The following DHX15 variants were observed in gnomAD, a reference collection of about 807,000 sequenced individuals.
DHX15 encodes the protein ATP-dependent RNA helicase DHX15.
A neutral mutation model predicts 94.4 loss-of-function variants in DHX15; 11 were observed. The observed-to-expected ratio is 0.12, with a 90% CI of 0.07 to 0.19. DHX15 has a LOEUF of 0.19. Ranked by LOEUF, DHX15 falls within the 10% of genes least tolerant of loss-of-function variation. DHX15 has a pLI of 1.00. For synonymous variants in DHX15, 338 were observed against 329.9 expected (o/e 1.02, Z -0.27); for missense variants, 304 against 988.5 (o/e 0.31, Z 9.29).
Position 24,537,005 on chromosome 4 carries a change from C to G in DHX15, c.1909+46G>C, listed in dbSNP as rs1721212791. ...GGACAAAGAAACATCTTATACACTG[C>G]AAGTGACATTTAGACAAGAGTGTCT... On this transcript the variant is annotated intron_variant, in intron 11 of 13. Coordinates refer to ENST00000336812, the MANE Select transcript of DHX15 (RefSeq NM_001358.3). This position sits in a 1 kb window ranked among gnomAD's most constrained non-coding sequence, Gnocchi z 4.7. The G allele has an allele frequency of 6.3e-7, 1 of 1,590,616 alleles. No individual in the cohort carries two copies. The highest frequency in any genetic ancestry group is 1.3e-5 in the African/African-American group (1 of 74,498).
At chr4:24,565,178 T>C (rs555811060) in intron 3 of DHX15, among the ~76,000 whole-genome samples, 3 of 152,364 alleles carry the variant, frequency 2.0e-5, no homozygotes, top group South Asian at 2.1e-4. Context: ...TTTTAAGATA[T>C]TGGCACTGTA....
chr4:24,532,291 T>C (rs1016757941), intron 12 of DHX15, among the ~76,000 whole-genome samples: 2 of 152,226 alleles, frequency 1.3e-5, no homozygotes, highest in Non-Finnish European at 2.9e-5. Flanking sequence ...GTTTTTGGCT[T>C]TTGCAGTACG....
intron 6 of DHX15, 53 bp from the exon 7 acceptor site, chr4:24,543,079 G>A: frequency 7.5e-7 from 1 of 1,325,378 alleles, no homozygotes; most frequent in Non-Finnish European, 1.1e-6. Flanking sequence ...AAAATTAACA[G>A]GACTGTTAAA....
chr4:24,538,346 CAACAA>C (rs1285249783), intron 10 of DHX15: 4 of 152,020 alleles, frequency 2.6e-5, no homozygotes, highest in African/African-American at 9.7e-5. Flanking sequence ...CAAATAGTGA[CAACAA>C]AACATGATCA....
intron 6 of DHX15, among the ~76,000 whole-genome samples, chr4:24,544,434 A>T (rs186098581): frequency 6.6e-6 from 1 of 152,326 alleles, no homozygotes; most frequent in Admixed American, 6.5e-5. Flanking sequence ...TCCTTTTGTC[A>T]GTTGAAAAGA....
Position 24,565,626 on chromosome 4 carries a change from T to A in DHX15, c.701+5028A>T, listed in dbSNP as rs114486811. Among the ~76,000 whole-genome samples, 778 of 152,374 alleles carry A rather than the reference T, an allele frequency of 5.1e-3. 5 individuals carry two copies. Among genetic ancestry groups the A allele is most frequent in the African/African-American group, 0.018 (737 of 41,590 alleles). On this transcript the variant is annotated intron_variant, in intron 3 of 13. Transcript: ENST00000336812. ...GACAAGTCACGTCAAGGTTTAAGTT[T>A]ACATCCCCAATTGTAATTCAATTAT...
Position 24,561,683 on chromosome 4 carries a change from C to T in DHX15, c.702-5273G>A, listed in dbSNP as rs141880071. Among the ~76,000 whole-genome samples, 47 of 152,234 alleles carry T rather than the reference C, an allele frequency of 3.1e-4. No homozygotes were observed. In the East Asian group the frequency reaches 6.2e-3, roughly 20 times the overall value. ...GCTAAAGGCCATCATCCTAAGCAAACTAACACAAGAACAGAAAACCAAATA... is the reference window on the plus strand; with the variant it reads ...GCTAAAGGCCATCATCCTAAGCAAATTAACACAAGAACAGAAAACCAAATA... On this transcript the variant is annotated intron_variant, in intron 3 of 13. Transcript: ENST00000336812.
chr4:24,584,216 A>T lies in DHX15; in HGVS notation c.71+107T>A, dbSNP rs1722552308. 4.2e-6 allele frequency: 5 copies of T among 1,194,662 alleles called. No individual in the cohort carries two copies. In the South Asian group the frequency reaches 5.3e-5, roughly 13 times the overall value. The allele number at this position is 1,194,662 out of a possible 1,614,324, so 74.0% of individuals were successfully genotyped here. On this transcript the variant is annotated intron_variant, in intron 1 of 13. Coordinates refer to ENST00000336812, the MANE Select transcript of DHX15 (RefSeq NM_001358.3). ...TAGTGAACCCAGCCCAGAGAGAAAC[A>T]AAGGCTCGGGCTCCAGGACCCGCTC...
chr4:24,566,733 T>C lies in DHX15; in HGVS notation c.701+3921A>G, dbSNP rs549503418. On this transcript the variant is annotated intron_variant, in intron 3 of 13. Coordinates refer to ENST00000336812, the MANE Select transcript of DHX15 (RefSeq NM_001358.3). ...CTCAGCTACTCGGGAGGGTGAGGCATGAGAATCGCTTGAACCCGGCGGGTG... is the reference window on the plus strand; with the variant it reads ...CTCAGCTACTCGGGAGGGTGAGGCACGAGAATCGCTTGAACCCGGCGGGTG... Among the ~76,000 whole-genome samples the C allele has an allele frequency of 4.6e-5, 7 of 152,028 alleles. No homozygotes were observed. The East Asian group carries it at 1.4e-3, about 30-fold the overall frequency.
chr4:24,551,099 G>GA (rs1296707703), intron 5 of DHX15, among the ~76,000 whole-genome samples: 2 of 152,078 alleles, frequency 1.3e-5, no homozygotes, highest in African/African-American at 2.4e-5. Context: ...TATCAAGACG[G>GA]AAAAAAAGAG....
At chr4:24,556,950 C>T (rs1721750840) in intron 3 of DHX15, among the ~76,000 whole-genome samples, 1 of 152,028 alleles carries the variant, frequency 6.6e-6, no homozygotes. Flanking sequence ...AATCTTAAAG[C>T]ACAAAAGGAA....
chr4:24,534,452 G>A (rs1721152808), intron 11 of DHX15, among the ~76,000 whole-genome samples: 1 of 152,196 alleles, frequency 6.6e-6, no homozygotes, highest in South Asian at 2.1e-4. Context: ...CAAATGACTA[G>A]TAACTAACAT....
chr4:24,573,584 TATC>T (rs35763441), intron 2 of DHX15, among the ~76,000 whole-genome samples: 5,255 of 152,230 alleles, frequency 0.035, 276 homozygotes, highest in African/African-American at 0.11. Flanking sequence ...TTACATGGTG[TATC>T]ATCAATATGT....
chr4:24,560,179 C>T (rs1425973201), intron 3 of DHX15, among the ~76,000 whole-genome samples: 1 of 151,846 alleles, frequency 6.6e-6, no homozygotes, highest in African/African-American at 2.4e-5. Context: ...CATGGTAAAA[C>T]ATTACATCCT....
rs765479994 is a variant in DHX15, at chr4:24,576,411, C to T, written c.339G>A (p.Gln113=). Residue 113 remains glutamine (Q), a synonymous_variant, in exon 2 of 14, where the codon CAG becomes CAA. Coordinates refer to ENST00000336812, the MANE Select transcript of DHX15 (RefSeq NM_001358.3). The stretch of plus-strand genomic sequence containing the variant: ...GTAAGTTGGTGAACGGATTAATGCA[C>T]TGTGGAAGTGACGTGTGACCTGCAT... ...AGHAGHTSLP[Q]CINPFTNLPH... The T allele has an allele frequency of 4.4e-5, 71 of 1,614,106 alleles. No homozygotes were observed. The South Asian group carries it at 7.1e-4, about 16-fold the overall frequency.
At chr4:24,556,205 C>G (rs1229155373) in intron 4 of DHX15, 46 bp downstream of exon 4, 1 of 1,552,594 alleles carries the variant, frequency 6.4e-7, no homozygotes, top group Admixed American at 1.7e-5. Flanking sequence ...TTTTTATGCC[C>G]ACATACACAC....
rs1228006972 is a variant in DHX15, at chr4:24,537,022, A to G, written c.1909+29T>C. 1.2e-6 allele frequency: 2 copies of G among 1,605,858 alleles called. No homozygotes were observed. Among genetic ancestry groups the G allele is most frequent in the Non-Finnish European group, 1.7e-6 (2 of 1,175,362 alleles). On this transcript the variant is annotated intron_variant, in intron 11 of 13. Coordinates refer to ENST00000336812, the MANE Select transcript of DHX15 (RefSeq NM_001358.3). The surrounding 1 kb of genome is among the most constrained non-coding windows in gnomAD (Gnocchi z 4.7). ...ATACACTGCAAGTGACATTTAGACA[A>G]GAGTGTCTCCAATCAAATTTACACT...
chr4:24,546,539 A>G (rs1250515793), intron 6 of DHX15, among the ~76,000 whole-genome samples: 1 of 152,252 alleles, frequency 6.6e-6, no homozygotes, highest in Non-Finnish European at 1.5e-5. Context: ...ACTTAGTCAA[A>G]TACTTGAATA....
intron 6 of DHX15, among the ~76,000 whole-genome samples, chr4:24,547,125 C>A (rs375883759): frequency 1.4e-4 from 21 of 152,144 alleles, no homozygotes; most frequent in African/African-American, 4.8e-4. Context: ...TAGGACTGTC[C>A]AGGGAAGCTA....
Sources: gnomAD v4.1 joint callset for allele counts (sites outside exome capture counted in the v4.1 genomes callset) on GRCh38, gnomAD v4.1.1 for gene constraint, Gnocchi (gnomAD v3.1) non-coding constraint, MANE v1.5 for transcripts, NCBI Gene and HGNC (gene_info 2026-07-23, HGNC 2026-07-21) for gene names.